RPS6KA4: variants seen among roughly 807,000 people sequenced by gnomAD.
RPS6KA4 encodes ribosomal protein S6 kinase A4.
A neutral mutation model predicts 89.6 loss-of-function variants in RPS6KA4; 38 were observed. That is an observed-to-expected ratio of 0.42 (90% CI 0.33 to 0.56). The LOEUF (loss-of-function observed/expected upper bound fraction) is 0.56. Among genes scored for constraint, RPS6KA4 ranks in the 20% least tolerant of loss-of-function variants. The probability of loss-of-function intolerance (pLI) is 0.07; values close to 1 mark genes in which losing one functional copy is unlikely to be tolerated. For synonymous variants in RPS6KA4, 495 were observed against 492.8 expected, an observed-to-expected ratio of 1.00 and a Z score of -0.06; for missense variants, 873 against 1,098.8, an observed-to-expected ratio of 0.79 and a Z score of 2.90.
Position 64,370,458 on chromosome 11 carries a change from T to G in RPS6KA4, c.1957+74T>G. The G allele has an allele frequency of 6.2e-7, 1 of 1,605,310 alleles. No homozygotes were observed. The highest frequency in any genetic ancestry group is 1.3e-5 in the African/African-American group (1 of 74,540). On this transcript the variant is annotated intron_variant, in intron 15 of 16. Coordinates refer to ENST00000334205, the MANE Select transcript of RPS6KA4 (RefSeq NM_003942.3). The surrounding 1 kb of genome is among the most constrained non-coding windows in gnomAD (Gnocchi z 4.1). The stretch of plus-strand genomic sequence containing the variant: ...ACAGGGATGGTCACTGGGCCAGGTG[T>G]CCTGGTTGGGGATGGGTAGGGGAGG...
At chr11:64,369,187 A>T (rs889760391) in intron 12 of RPS6KA4, among the ~76,000 whole-genome samples, 18 of 152,288 alleles carry the variant, frequency 1.2e-4, no homozygotes, top group African/African-American at 4.1e-4. Context: ...GCTACTTGGG[A>T]GGCTGAGGCA....
chr11:64,360,704 G>C, intron 4 of RPS6KA4, 112 bp downstream of exon 4: 3 of 910,650 alleles, frequency 3.3e-6, no homozygotes, highest in Non-Finnish European at 5.0e-6. Context: ...TGGGGGGCCA[G>C]TGGTGAGCTG....
At chr11:64,365,636 A>G (rs2036861314) in intron 9 of RPS6KA4, among the ~76,000 whole-genome samples, 171 bp downstream of exon 9, 1 of 152,220 alleles carries the variant, frequency 6.6e-6, no homozygotes, top group Non-Finnish European at 1.5e-5. Context: ...CACAGAGACC[A>G]CCCAGGCAGG....
intron 9 of RPS6KA4, among the ~76,000 whole-genome samples, chr11:64,365,900 G>A (rs565654384): frequency 2.0e-5 from 3 of 152,072 alleles, no homozygotes; most frequent in Non-Finnish European, 4.4e-5. Context: ...TTAGCTGGAT[G>A]TGGTGGTATG....
chr11:64,368,287 G>A (rs1230755565), intron 10 of RPS6KA4, 27 bp downstream of exon 10: 4 of 1,610,590 alleles, frequency 2.5e-6, no homozygotes, highest in Non-Finnish European at 3.4e-6. Flanking sequence ...TGGGTTGGGG[G>A]GAAATTGGTT....
At chr11:64,359,996 C>G (rs2036698529) in intron 2 of RPS6KA4, among the ~76,000 whole-genome samples, 167 bp from the exon 3 acceptor site, 1 of 152,134 alleles carries the variant, frequency 6.6e-6, no homozygotes, top group Non-Finnish European at 1.5e-5. Flanking sequence ...CCGGGGTGTG[C>G]ACACCCTTTC....
intron 8 of RPS6KA4, among the ~76,000 whole-genome samples, chr11:64,362,278 G>C (rs541078981): frequency 6.6e-6 from 1 of 152,256 alleles, no homozygotes; most frequent in African/African-American, 2.4e-5. Flanking sequence ...ACCCAGAGAA[G>C]GCAGGTGACC....
rs2036678245 is a variant in RPS6KA4 at position 64,359,382 on chromosome 11, C to G, written c.60C>G (p.Asn20Lys). ...CAVELRITEA[N>K]LTGHEEKVSV... ...ATTCGCCCCCTGTGCCCACAGCCAA[C>G]CTGACCGGGCACGAGGAGAAGGTGA... The change falls in exon 2 of 17, where the codon AAC becomes AAG. Residue 20 changes from asparagine (N) to lysine (K), a missense_variant. Physicochemically the swap from Asn to Lys is moderately conservative, Grantham distance 94 (BLOSUM62 0). Around this residue, in one of 4 missense-constraint regions of RPS6KA4, gnomAD observed 49 missense variants for 51.9 expected, o/e 0.94. Coordinates refer to ENST00000334205, the MANE Select transcript of RPS6KA4 (RefSeq NM_003942.3). The G allele has an allele frequency of 3.1e-6, 5 of 1,613,388 alleles. No homozygotes were observed. The highest frequency in any genetic ancestry group is 4.2e-6 in the Non-Finnish European group (5 of 1,179,808).
intron 13 of RPS6KA4, 39 bp from the exon 14 acceptor site, chr11:64,369,660 C>T (rs911466514): frequency 8.1e-6 from 13 of 1,599,874 alleles, no homozygotes; most frequent in Admixed American, 6.8e-5. Flanking sequence ...GCGGTGGCGC[C>T]GGGGGCTGCC....
chr11:64,369,303 A>AGAAG, intron 12 of RPS6KA4, 143 bp from the exon 13 acceptor site: 1 of 1,022,016 alleles, frequency 9.8e-7, no homozygotes, highest in Non-Finnish European at 1.4e-6. Flanking sequence ...AAAGTAACAA[A>AGAAG]GAAAGAAAGA....
At position 64,371,753 on chromosome 11, in the gene RPS6KA4, C is replaced by A; in HGVS notation, c.*273C>A. Reference sequence around the variant, plus strand: ...ACTGCCTCTTCTGGGCAGAAGGCCCCTCCAGGGGGACTGCTCCAACAGGAA... The same window carrying A: ...ACTGCCTCTTCTGGGCAGAAGGCCCATCCAGGGGGACTGCTCCAACAGGAA... On this transcript the variant is annotated 3_prime_UTR_variant, in exon 17 of 17. Coordinates refer to ENST00000334205, the MANE Select transcript of RPS6KA4 (RefSeq NM_003942.3). 2.8e-6 allele frequency: 1 copy of A among 362,206 alleles called. No homozygotes were observed. Among genetic ancestry groups the A allele is most frequent in the Non-Finnish European group, 5.0e-6 (1 of 200,596 alleles). The allele number at this position is 362,206 out of a possible 1,614,324, so 22.4% of individuals were successfully genotyped here. A position where few individuals can be genotyped will look rare whatever the true frequency, so the allele number is the denominator to read the frequency against.
In RPS6KA4 at chr11:64,370,902, G is replaced by A. The variant is rs1418706522; in HGVS notation, c.2121+176G>A. 1.3e-5 allele frequency among the ~76,000 whole-genome samples: 2 copies of A among 151,972 alleles called. No homozygotes were observed. Among genetic ancestry groups the A allele is most frequent in the African/African-American group, 4.8e-5 (2 of 41,366 alleles). On this transcript the variant is annotated intron_variant, in intron 16 of 16. Coordinates refer to ENST00000334205, the MANE Select transcript of RPS6KA4 (RefSeq NM_003942.3). This position sits in a 1 kb window ranked among gnomAD's most constrained non-coding sequence, Gnocchi z 4.1. ...GGGCGGATCACGAGGTCAGGGGTTC[G>A]AGACCAGCCTGAACAACATGGTGAA...
Position 64,369,539 on chromosome 11 carries a change from C to G in RPS6KA4, c.1522C>G (p.Gln508Glu). ...KRHFSESEAS[Q>E]ILRSLVSAVS... The stretch of plus-strand genomic sequence containing the variant: ...GCACTTCAGCGAGTCGGAAGCAAGC[C>G]AGATCCTGCGCAGCCTCGTGTCGGC... Residue 508 changes from glutamine to glutamate, a missense_variant, in exon 13 of 17, where the codon CAG (glutamine) becomes GAG (glutamate). Coordinates refer to ENST00000334205, the MANE Select transcript of RPS6KA4 (RefSeq NM_003942.3). The G allele has an allele frequency of 6.2e-7, 1 of 1,609,212 alleles. No individual in the cohort carries two copies. The highest frequency in any genetic ancestry group is 8.5e-7 in the Non-Finnish European group (1 of 1,178,464).
At chr11:64,368,032 T>G (rs2036930114) in intron 9 of RPS6KA4, 100 bp from the exon 10 acceptor site, 1 of 1,330,210 alleles carries the variant, frequency 7.5e-7, no homozygotes, top group Non-Finnish European at 1.1e-6. Context: ...ACTGCCCCCT[T>G]GTCCAGGGTC....
chr11:64,370,586 A>T lies in RPS6KA4; in HGVS notation c.1981A>T (p.Lys661Ter). The change falls in exon 16 of 17, where the codon AAG becomes TAG. Residue 661 changes from lysine (K) to a stop codon, truncating the protein, a stop_gained. Coordinates refer to ENST00000334205, the MANE Select transcript of RPS6KA4 (RefSeq NM_003942.3). LOFTEE classifies it high-confidence loss of function. This position sits in a 1 kb window ranked among gnomAD's most constrained non-coding sequence, Gnocchi z 4.1. ...AGGGCTCCTGACCGTGGACCCCGCC[A>T]AGCGGCTGAAGCTCGAGGGACTGCG... ...VRGLLTVDPA[K>*]RLKLEGLRGS... 1 of 1,591,548 alleles carries T rather than the reference A, an allele frequency of 6.3e-7. No individual in the cohort carries two copies. The highest frequency in any genetic ancestry group is 8.5e-7 in the Non-Finnish European group (1 of 1,175,590).
rs2037047096 is a variant in RPS6KA4, at chr11:64,370,836, T to G, written c.2121+110T>G. 5.2e-6 allele frequency: 7 copies of G among 1,335,114 alleles called. No individual in the cohort carries two copies. The highest frequency in any genetic ancestry group is 6.9e-6 in the Non-Finnish European group (7 of 1,008,652). The allele number at this position is 1,335,114 out of a possible 1,614,324, so 82.7% of individuals were successfully genotyped here. On this transcript the variant is annotated intron_variant, in intron 16 of 16. Coordinates refer to ENST00000334205, the MANE Select transcript of RPS6KA4 (RefSeq NM_003942.3). This position sits in a 1 kb window ranked among gnomAD's most constrained non-coding sequence, Gnocchi z 4.1. ...AAAGGCGAGGTGAGGCCGGGCGCGG[T>G]GGCTCACGCCTGTAATCCCAGCGCT...
At position 64,369,611 on chromosome 11, in the gene RPS6KA4, A is replaced by T. The variant is rs1312916143; in HGVS notation, c.1594A>T (p.Lys532Ter). 6.2e-7 allele frequency: 1 copy of T among 1,603,686 alleles called. No homozygotes were observed. Residue 532 changes from lysine to a stop codon, truncating the protein, a stop_gained, in exon 13 of 17, where the codon AAG becomes TAG. Coordinates refer to ENST00000334205, the MANE Select transcript of RPS6KA4 (RefSeq NM_003942.3). LOFTEE classifies it high-confidence loss of function. Reference protein sequence around the residue: ...EEAGVVHRDLKPENILYADDT... With the variant: ...EEAGVVHRDL ...GGCGGGCGTGGTGCACCGCGACCTC[A>T]AGCCGGAGGTGGGCGAGCTGCCTCG...
intron 9 of RPS6KA4, among the ~76,000 whole-genome samples, 158 bp from the exon 10 acceptor site, chr11:64,367,974 A>G (rs796796104): frequency 1.2e-4 from 19 of 152,330 alleles, no homozygotes; most frequent in African/African-American, 4.6e-4. Context: ...TGGAATAAAA[A>G]GTGTCCACAC....
At chr11:64,367,391 A>T (rs955302378) in intron 9 of RPS6KA4, among the ~76,000 whole-genome samples, 1 of 152,100 alleles carries the variant, frequency 6.6e-6, no homozygotes, top group African/African-American at 2.4e-5. Flanking sequence ...GCTCACCGCA[A>T]CCTCTGCCTC....
Sources: allele counts gnomAD v4.1 joint callset (sites outside exome capture counted in the v4.1 genomes callset), GRCh38; gene constraint gnomAD v4.1.1; regional missense constraint gnomAD v4.1.1; non-coding constraint Gnocchi (gnomAD v3.1); transcripts MANE v1.5; gene names NCBI Gene and HGNC (gene_info 2026-07-23, HGNC 2026-07-21).